The following PDZRN4 variants were observed in gnomAD, a reference collection of about 807,000 sequenced individuals.
The protein encoded by PDZRN4 is PDZ domain-containing RING finger protein 4.
PDZRN4 carries 70 observed loss-of-function variants against 99.0 expected under a neutral mutation model. That is an observed-to-expected ratio of 0.71 (90% CI 0.58 to 0.86). The LOEUF (loss-of-function observed/expected upper bound fraction) is 0.86, where lower values mean the gene tolerates loss of function less well. Among genes scored for constraint, PDZRN4 ranks in the 40% least tolerant of loss-of-function variants. The pLI is 0.00. For missense variants in PDZRN4, 1,474 were observed against 1,331.2 expected (o/e 1.11, Z -1.67); for synonymous variants, 551 against 501.6 (o/e 1.10, Z -1.32).
intron 3 of PDZRN4, among the ~76,000 whole-genome samples, chr12:41,238,372 T>C (rs1252911250): frequency 1.3e-5 from 2 of 152,042 alleles, no homozygotes; most frequent in African/African-American, 4.8e-5. Flanking sequence ...ATTTGACAAA[T>C]GGGATTTAAT....
intron 3 of PDZRN4, among the ~76,000 whole-genome samples, chr12:41,251,858 G>A (rs1430787494): frequency 1.3e-5 from 2 of 152,172 alleles, no homozygotes; most frequent in Non-Finnish European, 2.9e-5. Flanking sequence ...GCTCACGCCT[G>A]TAATCCCAAC....
At chr12:41,527,676 G>A (rs169564) in intron 5 of PDZRN4, among the ~76,000 whole-genome samples, 18,892 of 152,200 alleles carry the variant, frequency 0.12, 1,192 homozygotes, top group African/African-American at 0.15. Context: ...ACTGACCAAA[G>A]TCATTTGGGC....
At chr12:41,416,274 G>T (rs1377552012) in intron 3 of PDZRN4, among the ~76,000 whole-genome samples, 1 of 152,104 alleles carries the variant, frequency 6.6e-6, no homozygotes, top group Admixed American at 6.6e-5. Context: ...TTTTTCTTCT[G>T]TTGTAAATAA....
At chr12:41,419,936 G>A (rs1952476090) in intron 3 of PDZRN4, among the ~76,000 whole-genome samples, 1 of 152,128 alleles carries the variant, frequency 6.6e-6, no homozygotes, top group Non-Finnish European at 1.5e-5. Context: ...CAAAAGCAAA[G>A]CAAGTTGTCA....
At chr12:41,466,603 C>A (rs1952927732) in intron 3 of PDZRN4, among the ~76,000 whole-genome samples, 1 of 152,110 alleles carries the variant, frequency 6.6e-6, no homozygotes, top group Admixed American at 6.5e-5. Flanking sequence ...AGTTTTATGA[C>A]ATCTTTAAAT....
intron 3 of PDZRN4, among the ~76,000 whole-genome samples, chr12:41,303,733 A>C (rs1232632044): frequency 6.6e-6 from 1 of 152,200 alleles, no homozygotes; most frequent in Admixed American, 6.5e-5. Context: ...AGGCTTCCAC[A>C]TGTCCACCAA....
At chr12:41,198,821 A>G (rs1456971306) in intron 3 of PDZRN4, among the ~76,000 whole-genome samples, 1 of 152,146 alleles carries the variant, frequency 6.6e-6, no homozygotes, top group African/African-American at 2.4e-5. Flanking sequence ...AGCACTTTCC[A>G]TTAAGTGCTG....
intron 3 of PDZRN4, among the ~76,000 whole-genome samples, chr12:41,214,205 G>GCCAAGAGTTCAAGACCCA (rs1280666473): frequency 6.9e-6 from 1 of 144,516 alleles, no homozygotes; most frequent in Non-Finnish European, 1.5e-5. Flanking sequence ...ACTGCTTGAG[G>GCCAAGAGTTCAAGACCCA]CCAAGAGTTC....
At chr12:41,422,869 A>G (rs1235579522) in intron 3 of PDZRN4, among the ~76,000 whole-genome samples, 1 of 152,196 alleles carries the variant, frequency 6.6e-6, no homozygotes, top group Non-Finnish European at 1.5e-5. Context: ...ACACATATGC[A>G]CACACAATGG....
At chr12:41,544,979 G>A (rs1456087612) in intron 5 of PDZRN4, among the ~76,000 whole-genome samples, 2 of 152,162 alleles carry the variant, frequency 1.3e-5, no homozygotes, top group East Asian at 1.9e-4. Flanking sequence ...TGATAACTGT[G>A]TTTAAGAACC....
At chr12:41,292,295 C>T (rs10879971) in intron 3 of PDZRN4, among the ~76,000 whole-genome samples, 78,182 of 151,956 alleles carry the variant, frequency 0.51, 22,204 homozygotes, top group East Asian at 0.71. Context: ...GGGGAGAATA[C>T]CGTTCCAGAT....
chr12:41,232,609 C>A (rs1156772457), intron 3 of PDZRN4, among the ~76,000 whole-genome samples: 1 of 148,900 alleles, frequency 6.7e-6, no homozygotes, highest in Non-Finnish European at 1.5e-5. Flanking sequence ...AAATTTTCTC[C>A]CATTCTGTAG....
chr12:41,500,586 T>C (rs1938092075), intron 3 of PDZRN4, among the ~76,000 whole-genome samples: 1 of 152,114 alleles, frequency 6.6e-6, no homozygotes, highest in Admixed American at 6.6e-5. Context: ...ATAACCTTTT[T>C]TTTAAAGGTC....
intron 3 of PDZRN4, among the ~76,000 whole-genome samples, chr12:41,232,825 T>C (rs1951037548): frequency 6.6e-6 from 1 of 151,708 alleles, no homozygotes; most frequent in South Asian, 2.1e-4. Flanking sequence ...AAGTCTTTAA[T>C]CCATCTTGAA....
intron 3 of PDZRN4, among the ~76,000 whole-genome samples, chr12:41,200,686 T>C (rs990945228): frequency 1.3e-5 from 2 of 152,156 alleles, no homozygotes; most frequent in African/African-American, 4.8e-5. Flanking sequence ...TTCATTTTAA[T>C]TTGTGATCCA....
chr12:41,395,813 G>C (rs1326164367), intron 3 of PDZRN4, among the ~76,000 whole-genome samples: 1 of 152,042 alleles, frequency 6.6e-6, no homozygotes, highest in East Asian at 1.9e-4. Context: ...CTTTTGTTTA[G>C]CTGAATAGTA....
At position 41,188,434 on chromosome 12, in the gene PDZRN4, C is replaced by A; in HGVS notation, c.-22C>A. 1 of 1,554,300 alleles carries A rather than the reference C, an allele frequency of 6.4e-7. No homozygotes were observed. Among genetic ancestry groups the A allele is most frequent in the Admixed American group, 1.8e-5 (1 of 55,430 alleles). ...AGAAGACGGACTCTGCTTTCGCTCC[C>A]CCTTTCTTCCCCATCCCTAACATGG... On this transcript the variant is annotated 5_prime_UTR_variant, in exon 1 of 10. Transcript: ENST00000402685.
chr12:41,193,747 G>A (rs1004643763), intron 2 of PDZRN4, among the ~76,000 whole-genome samples: 4 of 152,030 alleles, frequency 2.6e-5, no homozygotes, highest in African/African-American at 9.7e-5. Context: ...CCTTTTACTT[G>A]CTGTCTCTCT....
chr12:41,414,158 G>A (rs1952423365), intron 3 of PDZRN4, among the ~76,000 whole-genome samples: 1 of 152,132 alleles, frequency 6.6e-6, no homozygotes, highest in Non-Finnish European at 1.5e-5. Flanking sequence ...CTGGCTTGTA[G>A]GGTTTCTGCT....
Sources: allele counts gnomAD v4.1 joint callset (sites outside exome capture counted in the v4.1 genomes callset), GRCh38; gene constraint gnomAD v4.1.1; transcripts MANE v1.5; gene names NCBI Gene and HGNC (gene_info 2026-07-23, HGNC 2026-07-21).